Variants in EIF5B observed in about 807,000 individuals in gnomAD.
EIF5B encodes the protein eIF-5B.
Under a neutral mutation model 147.5 loss-of-function variants are expected in EIF5B, and 47 were observed. The ratio of observed to expected loss-of-function variants is 0.32; its 90% CI spans 0.25 to 0.41. The LOEUF is 0.41. Ranked by LOEUF, EIF5B falls within the 10% of genes least tolerant of loss-of-function variation. The pLI is 1.00. For synonymous variants in EIF5B, 455 were observed against 456.2 expected (o/e 1.00, Z 0.03); for missense variants, 1,064 against 1,413.2 (o/e 0.75, Z 3.96).
At position 99,355,610 on chromosome 2, in the gene EIF5B, G is replaced by GTTT. The variant is rs67037124; in HGVS notation, c.36-4608_36-4606dup. On this transcript the variant is annotated intron_variant, in intron 1 of 23. Transcript: ENST00000289371. ...GTTTGTTTGTTTTTTTGTTTTTTGG[G>GTTT]TTTTTTTTTTTTTTTTTTTTGAGAC... 7.0e-4 allele frequency among the ~76,000 whole-genome samples: 69 copies of GTTT among 98,628 alleles called. 1 individual carries two copies. The highest frequency in any genetic ancestry group is 1.1e-3 in the Non-Finnish European group (55 of 51,140). 64.7% of individuals were successfully genotyped at this position (98,628 alleles called of 152,430 possible). A position where few individuals can be genotyped will look rare whatever the true frequency, so the allele number is the denominator to read the frequency against.
Position 99,379,299 on chromosome 2 carries a change from A to G in EIF5B, c.1951-19A>G, listed in dbSNP as rs1052551292. 1.3e-6 allele frequency: 2 copies of G among 1,589,100 alleles called. No homozygotes were observed. Among genetic ancestry groups the G allele is most frequent in the African/African-American group, 2.7e-5 (2 of 73,906 alleles). ...TTTCCATGTTCAAATACCAATCTGT[A>G]TTTGCTGTCTTCTCATAGCTCCGTC... On this transcript the variant is annotated intron_variant, in intron 11 of 23. Transcript: ENST00000289371.
chr2:99,399,890 T>C lies in EIF5B; in HGVS notation c.*476T>C, dbSNP rs754679596. ...TTCCAGCATTCTTCTGCCATATGCC[T>C]TTAGGGCTTTTATAAAATAGAAAAT... is the stretch of plus-strand genomic sequence containing the variant. On this transcript the variant is annotated 3_prime_UTR_variant, in exon 24 of 24. Transcript: ENST00000289371. 1 of 154,268 alleles carries C rather than the reference T, an allele frequency of 6.5e-6. No homozygotes were observed. Among genetic ancestry groups the C allele is most frequent in the Non-Finnish European group, 1.4e-5 (1 of 69,042 alleles). 9.6% of individuals were successfully genotyped at this position (154,268 alleles called of 1,614,324 possible).
At chr2:99,399,221 C>T (rs1675143266) in intron 23 of EIF5B, 86 bp from the exon 24 acceptor site, 2 of 1,264,062 alleles carry the variant, frequency 1.6e-6, no homozygotes, top group Admixed American at 1.9e-5. Context: ...CTTTTTAGTA[C>T]AGTGAGAGCG....
intron 1 of EIF5B, among the ~76,000 whole-genome samples, chr2:99,339,921 T>C (rs2094256179): frequency 1.3e-5 from 2 of 152,180 alleles, no homozygotes; most frequent in African/African-American, 4.8e-5. Flanking sequence ...TTTGTTGTTG[T>C]TGTTGTTGTT....
chr2:99,355,994 C>G (rs1674089868), intron 1 of EIF5B, among the ~76,000 whole-genome samples: 1 of 152,138 alleles, frequency 6.6e-6, no homozygotes, highest in Non-Finnish European at 1.5e-5. Context: ...CCATGTGCCC[C>G]ACACCTAGTT....
intron 10 of EIF5B, among the ~76,000 whole-genome samples, chr2:99,376,902 A>G (rs1424689318): frequency 1.3e-5 from 2 of 152,192 alleles, no homozygotes; most frequent in Non-Finnish European, 2.9e-5. Flanking sequence ...TCTTTGAGTG[A>G]TAGTTTATAA....
chr2:99,399,408 C>T lies in EIF5B; in HGVS notation c.3657C>T (p.Ile1219=). 6.2e-7 allele frequency: 1 copy of T among 1,613,880 alleles called. No individual in the cohort carries two copies. The highest frequency in any genetic ancestry group is 1.3e-5 in the African/African-American group (1 of 75,022). The stretch of plus-strand genomic sequence containing the variant: ...TGGAGCTGAAGAAAGTATTTGAAAT[C>T]ATCTAATTTTTTCACATGGAGCAGG... The part of the protein sequence containing the change: ...LIVELKKVFE[I]I The change falls in exon 24 of 24, where the codon ATC becomes ATT. Residue 1219 remains isoleucine, a synonymous_variant. Transcript: ENST00000289371.
At chr2:99,361,032 T>A in intron 3 of EIF5B, 116 bp from the exon 4 acceptor site, 1 of 1,088,002 alleles carries the variant, frequency 9.2e-7, no homozygotes, top group Non-Finnish European at 1.2e-6. Flanking sequence ...AAAAAGACTT[T>A]GAAAAAGATT....
At chr2:99,359,977 C>G (rs886412925) in intron 1 of EIF5B, among the ~76,000 whole-genome samples, 1 of 152,142 alleles carries the variant, frequency 6.6e-6, no homozygotes, top group African/African-American at 2.4e-5. Context: ...AGTTAATTTC[C>G]TTTTCTTGAT....
intron 17 of EIF5B, among the ~76,000 whole-genome samples, chr2:99,392,058 ATATAAT>A (rs1674949056): frequency 6.6e-6 from 1 of 151,942 alleles, no homozygotes; most frequent in Non-Finnish European, 1.5e-5. Context: ...AAAAAAAAGT[ATATAAT>A]TTTAAGATTT....
At position 99,360,381 on chromosome 2, in the gene EIF5B, AT is replaced by A. The variant is rs1406010524; in HGVS notation, c.161+23del. The A allele has an allele frequency of 6.3e-7, 1 of 1,577,918 alleles. No individual in the cohort carries two copies. The highest frequency in any genetic ancestry group is 8.6e-7 in the Non-Finnish European group (1 of 1,163,420). On this transcript the variant is annotated intron_variant, in intron 2 of 23. Coordinates refer to ENST00000289371, the MANE Select transcript of EIF5B (RefSeq NM_015904.4). ...CTTTGAGTAAGTATATTTTAAATATATTTGATTTTTATTTGTTTTGGTACTG... is the reference window on the plus strand; with the variant it reads ...CTTTGAGTAAGTATATTTTAAATATATTGATTTTTATTTGTTTTGGTACTG...
Position 99,337,439 on chromosome 2 carries a change from G to A in EIF5B, c.-116G>A. 1 of 1,349,442 alleles carries A rather than the reference G, an allele frequency of 7.4e-7. No individual in the cohort carries two copies. Among genetic ancestry groups the A allele is most frequent in the South Asian group, 1.2e-5 (1 of 80,146 alleles). 83.6% of individuals were successfully genotyped at this position (1,349,442 alleles called of 1,614,324 possible). A position where few individuals can be genotyped will look rare whatever the true frequency, so the allele number is the denominator to read the frequency against. Reference sequence around the variant, plus strand: ...CGCGGGTCTGTGGAGAGCCGGGTGCGAGCGGCGGCAGCACGAGGGGAAAAG... The same window carrying A: ...CGCGGGTCTGTGGAGAGCCGGGTGCAAGCGGCGGCAGCACGAGGGGAAAAG... On this transcript the variant is annotated 5_prime_UTR_variant, in exon 1 of 24. Transcript: ENST00000289371.
At chr2:99,366,362 C>T (rs530638899) in intron 6 of EIF5B, among the ~76,000 whole-genome samples, 1 of 152,278 alleles carries the variant, frequency 6.6e-6, no homozygotes, top group East Asian at 1.9e-4. Context: ...TGCTTTTCAT[C>T]TTAGTAGGTG....
intron 12 of EIF5B, among the ~76,000 whole-genome samples, 158 bp from the exon 13 acceptor site, chr2:99,382,001 A>C (rs1457803494): frequency 1.3e-5 from 2 of 152,178 alleles, no homozygotes; most frequent in African/African-American, 4.8e-5. Context: ...GAAAATACTG[A>C]CAACTGTACT....
At chr2:99,339,422 C>A (rs950380002) in intron 1 of EIF5B, among the ~76,000 whole-genome samples, 4 of 152,034 alleles carry the variant, frequency 2.6e-5, no homozygotes, top group Non-Finnish European at 5.9e-5. Context: ...AGCAAATATT[C>A]AGTCAGTTTG....
rs780804669 is a variant in EIF5B, at chr2:99,394,535, G to A, written c.3039G>A (p.Val1013=). Residue 1013 remains valine (V), a synonymous_variant, in exon 20 of 24, where the codon GTG becomes GTA. Coordinates refer to ENST00000289371, the MANE Select transcript of EIF5B (RefSeq NM_015904.4). The part of the protein sequence containing the change: ...VPYAGINIGP[V]HKKDVMKASV... ...ATGCAGGAATTAACATTGGCCCAGT[G>A]CATAAAAAAGATGTTATGAAGGCTT... 1.7e-5 allele frequency: 28 copies of A among 1,614,138 alleles called. No individual in the cohort carries two copies. The South Asian group carries it at 2.3e-4, about 13-fold the overall frequency.
intron 1 of EIF5B, among the ~76,000 whole-genome samples, chr2:99,359,731 A>G (rs1180452844): frequency 2.0e-5 from 3 of 152,174 alleles, no homozygotes; most frequent in Non-Finnish European, 4.4e-5. Flanking sequence ...AGGACATTCA[A>G]TCCTTGTGCA....
chr2:99,400,514 A>ACAT lies in EIF5B; in HGVS notation c.*1101_*1103dup, dbSNP rs879396809. On this transcript the variant is annotated 3_prime_UTR_variant, in exon 24 of 24. Transcript: ENST00000289371. ...ATTTTTATTTTAAAGTTATGGCATA[A>ACAT]CATATAACATAAAAATATTTTATAT... The ACAT allele has an allele frequency of 5.9e-5, 9 of 152,364 alleles. No homozygotes were observed. Among genetic ancestry groups the ACAT allele is most frequent in the Admixed American group, 2.6e-4 (4 of 15,308 alleles). The allele number at this position is 152,364 out of a possible 1,614,324, so 9.4% of individuals were successfully genotyped here.
chr2:99,364,227 C>A, intron 5 of EIF5B, 44 bp from the exon 6 acceptor site: 1 of 1,522,146 alleles, frequency 6.6e-7, no homozygotes, highest in Non-Finnish European at 8.8e-7. Context: ...TTTTATAGTT[C>A]ATTAAATGAA....
Sources: allele counts gnomAD v4.1 joint callset (sites outside exome capture counted in the v4.1 genomes callset), GRCh38; gene constraint gnomAD v4.1.1; transcripts MANE v1.5; gene names NCBI Gene and HGNC (gene_info 2026-07-23, HGNC 2026-07-21).